Variants in NCALD observed in about 807,000 individuals in gnomAD.
NCALD encodes the protein neurocalcin delta.
NCALD carries 10 observed loss-of-function variants against 18.6 expected under a neutral mutation model. The ratio of observed to expected loss-of-function variants is 0.54; its 90% confidence interval spans 0.33 to 0.91. The LOEUF (loss-of-function observed/expected upper bound fraction) is 0.91, where lower values mean the gene tolerates loss of function less well. Ranked by LOEUF, NCALD falls within the 40% of genes least tolerant of loss-of-function variation. The pLI is 0.03. For missense variants in NCALD, 184 were observed against 247.6 expected, an observed-to-expected ratio of 0.74 and a Z score of 1.72; for synonymous variants, 88 against 87.4, an observed-to-expected ratio of 1.01 and a Z score of -0.04.
chr8:101,817,033 CT>C (rs1213244243), intron 4 of NCALD, among the ~76,000 whole-genome samples: 1 of 152,076 alleles, frequency 6.6e-6, no homozygotes, highest in Non-Finnish European at 1.5e-5. Context: ...CAGAGTGTTT[CT>C]ATCCATTTTA....
intron 4 of NCALD, among the ~76,000 whole-genome samples, chr8:101,832,820 G>A (rs559010626): frequency 5.9e-5 from 9 of 152,152 alleles, no homozygotes; most frequent in Admixed American, 1.3e-4. Context: ...GAAACTGCCC[G>A]CAGCAGTGAT....
intron 4 of NCALD, among the ~76,000 whole-genome samples, chr8:101,822,730 G>T (rs906885843): frequency 1.3e-5 from 2 of 152,144 alleles, no homozygotes; most frequent in African/African-American, 4.8e-5. Context: ...GAAACAGGAG[G>T]TTCCAAAAGA....
intron 2 of NCALD, among the ~76,000 whole-genome samples, chr8:101,712,860 G>A (rs1398610057): frequency 6.6e-6 from 1 of 152,038 alleles, no homozygotes; most frequent in Non-Finnish European, 1.5e-5. Flanking sequence ...GCCAATATTA[G>A]ACAGATCAAC....
intron 2 of NCALD, among the ~76,000 whole-genome samples, chr8:101,995,688 G>C (rs1359424733): frequency 6.6e-6 from 1 of 152,152 alleles, no homozygotes; most frequent in Non-Finnish European, 1.5e-5. Flanking sequence ...CCTCCCACCA[G>C]GCCCCACCTT....
chr8:101,711,870 T>C (rs1815812098), intron 2 of NCALD, among the ~76,000 whole-genome samples: 1 of 151,976 alleles, frequency 6.6e-6, no homozygotes, highest in Non-Finnish European at 1.5e-5. Flanking sequence ...CAGGAGAACG[T>C]CCCCAACCTA....
At chr8:101,728,824 C>G (rs897592852) in intron 1 of NCALD, among the ~76,000 whole-genome samples, 1 of 147,376 alleles carries the variant, frequency 6.8e-6, no homozygotes, top group Non-Finnish European at 1.5e-5. Context: ...CATCTCAAAA[C>G]AAAACAAAAC....
At chr8:101,861,292 A>G (rs1303028431) in intron 4 of NCALD, among the ~76,000 whole-genome samples, 2 of 152,072 alleles carry the variant, frequency 1.3e-5, no homozygotes, top group African/African-American at 2.4e-5. Context: ...AAACTGAGAG[A>G]TACCTGGACC....
intron 1 of NCALD, among the ~76,000 whole-genome samples, chr8:102,031,969 C>T (rs1401632217): frequency 6.6e-6 from 1 of 152,082 alleles, no homozygotes; most frequent in Non-Finnish European, 1.5e-5. Flanking sequence ...GGAGCAAAAC[C>T]AGCCTCTTCT....
At chr8:101,717,722 C>T (rs1563689955) in intron 2 of NCALD, among the ~76,000 whole-genome samples, 1 of 152,120 alleles carries the variant, frequency 6.6e-6, no homozygotes, top group Non-Finnish European at 1.5e-5. Flanking sequence ...CACAAAGCTT[C>T]CTGCGGCAGT....
chr8:102,050,381 AAC>A (rs1249468261), intron 1 of NCALD, among the ~76,000 whole-genome samples: 5 of 151,264 alleles, frequency 3.3e-5, no homozygotes, highest in African/African-American at 1.2e-4. Context: ...GAATATTTTA[AAC>A]GAACAGAATT....
chr8:102,063,961 A>G (rs924121790), intron 1 of NCALD, among the ~76,000 whole-genome samples: 5 of 152,180 alleles, frequency 3.3e-5, no homozygotes, highest in Non-Finnish European at 7.4e-5. Flanking sequence ...GACCAGGTCC[A>G]TATACAATTC....
rs1249701783 is a variant in NCALD, at chr8:101,801,682, T to C, written c.-19-82034A>G. Among the ~76,000 whole-genome samples the C allele has an allele frequency of 1.9e-4, 22 of 115,238 alleles. No individual in the cohort carries two copies. The East Asian group carries it at 4.4e-3, about 23-fold the overall frequency. The allele number at this position is 115,238 out of a possible 152,430, so 75.6% of individuals were successfully genotyped here. On this transcript the variant is annotated intron_variant, in intron 4 of 6. Transcript: ENST00000311028. ...TTTTTTTTTTTTTTTTTTTTTTTTTTTTGAGACGGAATCTCCCTCTGTCGC... is the reference window on the plus strand; with the variant it reads ...TTTTTTTTTTTTTTTTTTTTTTTTTCTTGAGACGGAATCTCCCTCTGTCGC...
chr8:101,730,479 CAA>C (rs869241027), intron 1 of NCALD, among the ~76,000 whole-genome samples: 3 of 43,672 alleles, frequency 6.9e-5, no homozygotes, highest in African/African-American at 2.5e-4. Context: ...GACTCCATCT[CAA>C]AAAAAAAAAA....
chr8:102,074,082 C>T (rs1291113621), intron 1 of NCALD, among the ~76,000 whole-genome samples: 3 of 152,180 alleles, frequency 2.0e-5, no homozygotes, highest in Admixed American at 6.5e-5. Context: ...TGTGCTGATT[C>T]ACCCAGTGAC....
intron 2 of NCALD, among the ~76,000 whole-genome samples, chr8:101,933,372 G>A (rs1178956213): frequency 6.6e-6 from 1 of 152,224 alleles, no homozygotes; most frequent in Non-Finnish European, 1.5e-5. Flanking sequence ...ATGCAGCCAG[G>A]AGCTGAGGCA....
intron 4 of NCALD, among the ~76,000 whole-genome samples, chr8:101,857,508 C>T (rs1010074522): frequency 2.4e-4 from 36 of 152,198 alleles, no homozygotes; most frequent in Admixed American, 2.4e-3. Flanking sequence ...GGACTTCAGA[C>T]TTCTTTGCTA....
chr8:102,089,712 CCTAAA>C (rs1343386889), intron 1 of NCALD, among the ~76,000 whole-genome samples: 1 of 150,942 alleles, frequency 6.6e-6, no homozygotes, highest in African/African-American at 2.4e-5. Context: ...GGATTTTTGG[CCTAAA>C]CTAAAGGATT....
At chr8:101,738,219 T>C (rs1160408268) in intron 1 of NCALD, among the ~76,000 whole-genome samples, 2 of 152,128 alleles carry the variant, frequency 1.3e-5, no homozygotes, top group African/African-American at 2.4e-5. Context: ...TTGGTGATAG[T>C]ATACTCACTA....
chr8:102,050,687 G>T (rs962526192), intron 1 of NCALD, among the ~76,000 whole-genome samples: 2 of 146,576 alleles, frequency 1.4e-5, no homozygotes, highest in African/African-American at 5.0e-5. Context: ...TACCATTTAT[G>T]TTTGTATATA....
Sources: allele counts gnomAD v4.1 joint callset (sites outside exome capture counted in the v4.1 genomes callset), GRCh38; gene constraint gnomAD v4.1.1; transcripts MANE v1.5; gene names NCBI Gene and HGNC (gene_info 2026-07-23, HGNC 2026-07-21).